STK38: variants seen among roughly 807,000 people sequenced by gnomAD.
STK38 encodes the protein serine/threonine kinase 38.
A neutral mutation model predicts 59.0 loss-of-function variants in STK38; 26 were observed. That is an observed-to-expected ratio of 0.44 (90% CI 0.32 to 0.61). The LOEUF is 0.61. STK38 is among the 20% of genes least tolerant of loss of function. The pLI, the probability that STK38 is intolerant of heterozygous loss-of-function variation, is 0.04. For missense variants in STK38, 433 were observed against 566.0 expected, an observed-to-expected ratio of 0.76 and a Z score of 2.38; for synonymous variants, 175 against 176.6, an observed-to-expected ratio of 0.99 and a Z score of 0.07.
rs377484720 is a variant in STK38, at chr6:36,515,322, A to G, written c.669+16T>C. The G allele has an allele frequency of 2.0e-4, 319 of 1,613,044 alleles. No homozygotes were observed. The highest frequency in any genetic ancestry group is 2.5e-4 in the Non-Finnish European group (297 of 1,179,538). On this transcript the variant is annotated intron_variant, in intron 7 of 13. Coordinates refer to ENST00000229812, the MANE Select transcript of STK38 (RefSeq NM_007271.4). The stretch of plus-strand genomic sequence containing the variant: ...TCAGTAAACGTGCATAGTTCATGCC[A>G]ATGCCCCCCCAATACCTTGCTGTCC...
chr6:36,532,966 G>A (rs1244175834), intron 2 of STK38, among the ~76,000 whole-genome samples: 1 of 151,624 alleles, frequency 6.6e-6, no homozygotes, highest in Non-Finnish European at 1.5e-5. Context: ...CAGCTACTCG[G>A]GAGGCTGAGG....
In STK38 at chr6:36,499,889, C is replaced by T. The variant is rs547986167; in HGVS notation, c.936G>A (p.Met312Ile). The T allele has an allele frequency of 6.2e-7, 1 of 1,613,972 alleles. No homozygotes were observed. The highest frequency in any genetic ancestry group is 2.2e-5 in the East Asian group (1 of 44,876). Residue 312 changes from methionine to isoleucine, a missense_variant, in exon 10 of 14, where the codon ATG becomes ATA. Physicochemically the swap from Met to Ile is conservative, Grantham distance 10. Transcript: ENST00000229812. ...LCDWWSLGVI[M>I]YEMLIGYPPF... The stretch of plus-strand genomic sequence containing the variant: ...GCAACTTACCGATGAGCATCTCATA[C>T]ATGATCACCCCAAGCGACCACCAAT...
chr6:36,497,425 C>T (rs146965599), intron 12 of STK38, among the ~76,000 whole-genome samples: 241 of 152,340 alleles, frequency 1.6e-3, no homozygotes, highest in African/African-American at 5.1e-3. Flanking sequence ...TCTCCCTTCT[C>T]TATGTTCCAG....
At chr6:36,518,698 T>C (rs1225777530) in intron 5 of STK38, among the ~76,000 whole-genome samples, 3 of 152,150 alleles carry the variant, frequency 2.0e-5, no homozygotes, top group African/African-American at 7.2e-5. Flanking sequence ...GCTAGGATTA[T>C]AGGTGTGTGC....
At chr6:36,527,214 G>GTA (rs754385176) in intron 2 of STK38, among the ~76,000 whole-genome samples, 1,564 of 117,188 alleles carry the variant, frequency 0.013, 45 homozygotes, top group South Asian at 0.022. Context: ...AAAAATATAT[G>GTA]TATATATATA....
intron 2 of STK38, among the ~76,000 whole-genome samples, chr6:36,539,719 A>G (rs945089789): frequency 6.6e-6 from 1 of 151,494 alleles, no homozygotes; most frequent in African/African-American, 2.4e-5. Context: ...CTCTGCCTTA[A>G]CAATCAACTC....
rs538689647 is a variant in STK38 at position 36,498,494 on chromosome 6, A to G, written c.953-8T>C. 1 of 1,606,100 alleles carries G rather than the reference A, an allele frequency of 6.2e-7. No homozygotes were observed. The highest frequency in any genetic ancestry group is 1.1e-5 in the South Asian group (1 of 89,050). The stretch of plus-strand genomic sequence containing the variant: ...AACAGAAAGGTGGGTAGCCTGTAAT[A>G]AAAAAGGAACTTCGGAGCTTTTACA... On this transcript the variant is annotated splice_region_variant and splice_polypyrimidine_tract_variant and intron_variant, in intron 10 of 13. Coordinates refer to ENST00000229812, the MANE Select transcript of STK38 (RefSeq NM_007271.4).
chr6:36,532,940 C>T (rs190577632), intron 2 of STK38, among the ~76,000 whole-genome samples: 90 of 151,608 alleles, frequency 5.9e-4, no homozygotes, highest in Non-Finnish European at 3.2e-4. Context: ...GACATGGTGG[C>T]GTGCTCCTGT....
intron 2 of STK38, among the ~76,000 whole-genome samples, chr6:36,530,706 T>TTTG (rs1226593297): frequency 9.4e-5 from 14 of 148,512 alleles, no homozygotes; most frequent in African/African-American, 3.5e-4. Flanking sequence ...TTTTTTTTTT[T>TTTG]GGAGACAAGA....
chr6:36,517,703 C>A lies in STK38; in HGVS notation c.514+14G>T, dbSNP rs747537129. 2 of 1,609,312 alleles carry A rather than the reference C, an allele frequency of 1.2e-6. No homozygotes were observed. Among genetic ancestry groups the A allele is most frequent in the Non-Finnish European group, 1.7e-6 (2 of 1,177,474 alleles). On this transcript the variant is annotated intron_variant, in intron 6 of 13. Transcript: ENST00000229812. ...ACAAAAAGAAAAAATGACCTTTCAT[C>A]GTCAAGTAATTACCTCCAGGCAGGA...
chr6:36,543,833 T>A (rs1778000516), intron 1 of STK38, among the ~76,000 whole-genome samples: 2 of 152,054 alleles, frequency 1.3e-5, no homozygotes, highest in South Asian at 4.1e-4. Flanking sequence ...GGGGTTTCAC[T>A]ATGTTGGCCA....
At chr6:36,521,928 G>C in intron 4 of STK38, 111 bp from the exon 5 acceptor site, 1 of 785,264 alleles carries the variant, frequency 1.3e-6, no homozygotes, top group Admixed American at 2.7e-5. Flanking sequence ...ATTTTAACAT[G>C]AGCAACTAGT....
chr6:36,512,081 CAAGA>C (rs1398449297), intron 7 of STK38, among the ~76,000 whole-genome samples: 3 of 152,074 alleles, frequency 2.0e-5, no homozygotes, highest in South Asian at 2.1e-4. Flanking sequence ...ACAAAAAAAG[CAAGA>C]AAGAAAGAAA....
rs149187932 is a variant in STK38 at position 36,536,564 on chromosome 6, G to A, written c.131+3508C>T. On this transcript the variant is annotated intron_variant, in intron 2 of 13. Transcript: ENST00000229812. ...TTTATTTTTTTTGAGACTGAGTTTC[G>A]CTCTCGTTGCCCAGGCTGGAGTTCA... is the stretch of plus-strand genomic sequence containing the variant. 6.6e-3 allele frequency among the ~76,000 whole-genome samples: 1,006 copies of A among 151,606 alleles called. 10 individuals carry two copies. The highest frequency in any genetic ancestry group is 0.021 in the African/African-American group (887 of 41,312).
At chr6:36,527,825 T>G (rs982094322) in intron 2 of STK38, among the ~76,000 whole-genome samples, 3 of 151,102 alleles carry the variant, frequency 2.0e-5, no homozygotes, top group Admixed American at 6.6e-5. Context: ...GCTGGCCAGG[T>G]GCGGTGGCTC....
At chr6:36,541,894 T>C (rs1777947627) in intron 1 of STK38, among the ~76,000 whole-genome samples, 1 of 151,492 alleles carries the variant, frequency 6.6e-6, no homozygotes, top group South Asian at 2.1e-4. Context: ...AATGATTCAA[T>C]CTCAGCTCAC....
At chr6:36,496,111 CT>C (rs1293620096) in intron 13 of STK38, among the ~76,000 whole-genome samples, 197 bp from the exon 14 acceptor site, 2 of 146,420 alleles carry the variant, frequency 1.4e-5, no homozygotes, top group Admixed American at 1.4e-4. Flanking sequence ...GTGGCGTCAT[CT>C]CAGCTCACTG....
At chr6:36,523,797 C>T (rs533592686) in intron 4 of STK38, among the ~76,000 whole-genome samples, 13 of 152,222 alleles carry the variant, frequency 8.5e-5, no homozygotes, top group African/African-American at 2.9e-4. Context: ...TCTGTAAATC[C>T]TCCCTCCTAG....
At chr6:36,495,951 C>T (rs1229878356) in intron 13 of STK38, 37 bp from the exon 14 acceptor site, 2 of 1,612,284 alleles carry the variant, frequency 1.2e-6, no homozygotes, top group Non-Finnish European at 8.5e-7. Context: ...GATTCACTGC[C>T]TTGCCTCCAA....
Sources: gnomAD v4.1 joint callset for allele counts (sites outside exome capture counted in the v4.1 genomes callset) on GRCh38, gnomAD v4.1.1 for gene constraint, MANE v1.5 for transcripts, NCBI Gene and HGNC (gene_info 2026-07-23, HGNC 2026-07-21) for gene names.